Variants in SHISA9 observed in about 807,000 individuals in gnomAD.
SHISA9 encodes the protein protein shisa-9.
SHISA9 carries 13 observed loss-of-function variants against 38.0 expected under a neutral mutation model. The ratio of observed to expected loss-of-function variants is 0.34; its 90% CI spans 0.22 to 0.54. SHISA9 has a LOEUF of 0.54. SHISA9 is among the 20% of genes least tolerant of loss of function. SHISA9 has a pLI of 0.91. For synonymous variants in SHISA9, 275 were observed against 242.0 expected, an observed-to-expected ratio of 1.14 and a Z score of -1.27; for missense variants, 538 against 575.8, an observed-to-expected ratio of 0.93 and a Z score of 0.67.
chr16:13,072,684 G>T (rs1032349093), intron 2 of SHISA9, among the ~76,000 whole-genome samples: 1 of 148,832 alleles, frequency 6.7e-6, no homozygotes, highest in Non-Finnish European at 1.5e-5. Flanking sequence ...TTTTTGAGAC[G>T]GAGTCTTGCT....
chr16:13,457,243 T>A, the SHISA9 span, among the ~76,000 whole-genome samples: 1 of 152,106 alleles, frequency 6.6e-6, no homozygotes, highest in Non-Finnish European at 1.5e-5. Context: ...GAGGCAGAGG[T>A]TGCAGTGAGC....
chr16:13,447,787 T>G, the SHISA9 span, among the ~76,000 whole-genome samples: 1 of 152,180 alleles, frequency 6.6e-6, no homozygotes, highest in Non-Finnish European at 1.5e-5. Context: ...TCCCACATGT[T>G]GAAAGATCGT....
chr16:13,398,987 G>T, the SHISA9 span, among the ~76,000 whole-genome samples: 4 of 152,310 alleles, frequency 2.6e-5, no homozygotes, highest in Admixed American at 6.5e-5. Context: ...AGGGCGTGGT[G>T]GTTCACACCT....
the SHISA9 span, among the ~76,000 whole-genome samples, chr16:13,352,092 A>G: frequency 6.6e-6 from 1 of 152,242 alleles, no homozygotes; most frequent in East Asian, 1.9e-4. Flanking sequence ...GGGCTTCTTC[A>G]GCTTCTAACA....
the SHISA9 span, among the ~76,000 whole-genome samples, chr16:13,429,422 G>A: frequency 6.6e-6 from 1 of 152,208 alleles, no homozygotes; most frequent in South Asian, 2.1e-4. Flanking sequence ...GTCTTCTGCT[G>A]CATTACCCTG....
At chr16:13,117,155 T>C (rs779447425) in intron 2 of SHISA9, among the ~76,000 whole-genome samples, 26 of 152,130 alleles carry the variant, frequency 1.7e-4, no homozygotes, top group Non-Finnish European at 2.9e-4. Context: ...TTTATATTTT[T>C]AGTGGAGACA....
the SHISA9 span, among the ~76,000 whole-genome samples, chr16:13,446,215 G>C: frequency 6.6e-6 from 1 of 152,126 alleles, no homozygotes; most frequent in African/African-American, 2.4e-5. Context: ...AAAGTGCTGG[G>C]ATTACAGGTG....
chr16:13,431,495 C>A, the SHISA9 span, among the ~76,000 whole-genome samples: 1 of 152,184 alleles, frequency 6.6e-6, no homozygotes, highest in South Asian at 2.1e-4. Flanking sequence ...GGCTAAATGG[C>A]CAGCATCAAA....
intron 2 of SHISA9, among the ~76,000 whole-genome samples, chr16:13,062,964 C>A (rs374061173): frequency 6.3e-5 from 9 of 142,634 alleles, no homozygotes; most frequent in Non-Finnish European, 1.4e-4. Context: ...TGCTTTCGGA[C>A]GCATCCCTCA....
At chr16:12,915,326 G>C (rs898963442) in intron 1 of SHISA9, among the ~76,000 whole-genome samples, 11 of 152,152 alleles carry the variant, frequency 7.2e-5, no homozygotes, top group African/African-American at 2.7e-4. Flanking sequence ...AAAGTAGCTG[G>C]GGGTGGTGGC....
At chr16:13,536,911 C>T in the SHISA9 span, among the ~76,000 whole-genome samples, 1 of 152,114 alleles carries the variant, frequency 6.6e-6, no homozygotes, top group Non-Finnish European at 1.5e-5. Flanking sequence ...CTAATGTTGT[C>T]CTACTACTCA....
At chr16:12,979,018 G>T (rs533671968) in intron 2 of SHISA9, among the ~76,000 whole-genome samples, 1 of 152,216 alleles carries the variant, frequency 6.6e-6, no homozygotes, top group Non-Finnish European at 1.5e-5. Flanking sequence ...CCAAATCCTC[G>T]TTATACACCT....
At chr16:12,960,278 T>A (rs1299789706) in intron 2 of SHISA9, among the ~76,000 whole-genome samples, 2 of 152,224 alleles carry the variant, frequency 1.3e-5, no homozygotes, top group Non-Finnish European at 2.9e-5. Flanking sequence ...AATATCCATT[T>A]AAAAAATTAT....
At chr16:13,082,778 G>A (rs542678957) in intron 2 of SHISA9, among the ~76,000 whole-genome samples, 2 of 152,298 alleles carry the variant, frequency 1.3e-5, no homozygotes, top group East Asian at 3.9e-4. Context: ...ACATGTGTGG[G>A]TGGGGGGCTG....
At chr16:13,285,462 GTTTTTTTTTTT>G in the SHISA9 span, among the ~76,000 whole-genome samples, 8 of 95,784 alleles carry the variant, frequency 8.4e-5, no homozygotes, top group Non-Finnish European at 1.2e-4. Flanking sequence ...TTCAGGTGTA[GTTTTTTTTTTT>G]TTTTTTTTTT....
At chr16:13,532,139 C>A in the SHISA9 span, among the ~76,000 whole-genome samples, 5 of 152,172 alleles carry the variant, frequency 3.3e-5, no homozygotes, top group African/African-American at 1.2e-4. Context: ...GAATGAAAAC[C>A]AGTTGTCATT....
At chr16:12,985,781 C>T (rs2072300267) in intron 2 of SHISA9, among the ~76,000 whole-genome samples, 1 of 152,184 alleles carries the variant, frequency 6.6e-6, no homozygotes, top group Non-Finnish European at 1.5e-5. Flanking sequence ...GCTTTTGCTT[C>T]CAACAGCCAG....
intron 2 of SHISA9, among the ~76,000 whole-genome samples, chr16:13,175,059 T>C (rs899976178): frequency 2.0e-5 from 3 of 152,086 alleles, no homozygotes; most frequent in African/African-American, 4.8e-5. Context: ...GGCTTCACTT[T>C]CCGTCTTTTA....
intron 2 of SHISA9, among the ~76,000 whole-genome samples, chr16:13,125,663 G>A (rs1251810775): frequency 6.6e-6 from 1 of 152,150 alleles, no homozygotes; most frequent in African/African-American, 2.4e-5. Flanking sequence ...AAGCCTCATA[G>A]AGTTGGTGTT....
Sources: gnomAD v4.1 joint callset for allele counts (sites outside exome capture counted in the v4.1 genomes callset) on GRCh38, gnomAD v4.1.1 for gene constraint, MANE v1.5 for transcripts, NCBI Gene and HGNC (gene_info 2026-07-23, HGNC 2026-07-21) for gene names.